Variants in MYH13 observed in about 807,000 individuals in gnomAD.
MYH13 encodes the protein myosin heavy chain 13.
MYH13 carries 177 observed loss-of-function variants against 232.1 expected under a neutral mutation model. That is an observed-to-expected ratio of 0.76 (90% CI 0.67 to 0.86). The LOEUF (loss-of-function observed/expected upper bound fraction) is 0.86, where lower values mean the gene tolerates loss of function less well. Among genes scored for constraint, MYH13 ranks in the 40% least tolerant of loss-of-function variants. MYH13 has a pLI of 0.00. For synonymous variants in MYH13, 884 were observed against 923.5 expected, an observed-to-expected ratio of 0.96 and a Z score of 0.78; for missense variants, 2,246 against 2,405.9, an observed-to-expected ratio of 0.93 and a Z score of 1.39.
At position 10,320,084 on chromosome 17, in the gene MYH13, G is replaced by A. The variant is rs1906876543; in HGVS notation, c.3348+69C>T. The A allele has an allele frequency of 2.6e-6, 3 of 1,163,166 alleles. No homozygotes were observed. In the Admixed American group the frequency reaches 6.5e-5, roughly 25 times the overall value. The allele number at this position is 1,163,166 out of a possible 1,614,324, so 72.1% of individuals were successfully genotyped here. A position where few individuals can be genotyped will look rare whatever the true frequency, so the allele number is the denominator to read the frequency against. ...GGAAAGAAGCAGCTAAAGAAACAAG[G>A]GGGAAGGAGTGAGGAGGGGCGCTCT... is the stretch of plus-strand genomic sequence containing the variant. On this transcript the variant is annotated intron_variant, in intron 26 of 40. Coordinates refer to ENST00000252172, the MANE Select transcript of MYH13 (RefSeq NM_003802.3).
chr17:10,328,500 C>A (rs1190533510), intron 21 of MYH13, among the ~76,000 whole-genome samples: 2 of 152,136 alleles, frequency 1.3e-5, no homozygotes, highest in African/African-American at 4.8e-5. Context: ...TTAATCAGCT[C>A]TTAACTTTTG....
chr17:10,359,859 C>G, intron 7 of MYH13, 101 bp downstream of exon 7: 1 of 1,033,774 alleles, frequency 9.7e-7, no homozygotes, highest in Non-Finnish European at 1.5e-6. Flanking sequence ...TTCCTATTTG[C>G]CGTTTCTACT....
Position 10,311,949 on chromosome 17 carries a change from T to C in MYH13, c.4493A>G (p.Gln1498Arg). 1 of 1,614,026 alleles carries C rather than the reference T, an allele frequency of 6.2e-7. No homozygotes were observed. Among genetic ancestry groups the C allele is most frequent in the Non-Finnish European group, 8.5e-7 (1 of 1,179,902 alleles). The change falls in exon 32 of 41, where the codon CAG becomes CGG. Residue 1498 changes from glutamine to arginine, a missense_variant. By Grantham distance (43) the Gln-to-Arg change is conservative. Transcript: ENST00000252172. ...MRNAYEEVVD[Q>R]LETLRRENKN... ...GTTCTCTCGCCTCAGTGTCTCTAACTGGTCCACCACCTCCTCATAGGCATT... is the reference window on the plus strand; with the variant it reads ...GTTCTCTCGCCTCAGTGTCTCTAACCGGTCCACCACCTCCTCATAGGCATT...
In MYH13 at chr17:10,315,739, G is replaced by C; in HGVS notation, c.3938C>G (p.Thr1313Ser). ...CCTCTTAAGCTCCTCCAGCTGCTGG[G>C]TGAGGGCCTGCTTGCTTTTGGTCAG... ...SQLTKSKQAL[T>S]QQLEELKRQM... Residue 1313 changes from threonine to serine, a missense_variant, in exon 29 of 41, where the codon ACC becomes AGC. Physicochemically the swap from Thr to Ser is moderately conservative, Grantham distance 58 (BLOSUM62 1). Coordinates refer to ENST00000252172, the MANE Select transcript of MYH13 (RefSeq NM_003802.3). 6.2e-7 allele frequency: 1 copy of C among 1,613,846 alleles called. No homozygotes were observed. The highest frequency in any genetic ancestry group is 1.1e-5 in the South Asian group (1 of 91,048).
At chr17:10,369,042 C>G (rs560663119) in intron 2 of MYH13, among the ~76,000 whole-genome samples, 5 of 152,284 alleles carry the variant, frequency 3.3e-5, no homozygotes, top group African/African-American at 9.6e-5. Context: ...GGCACAGTCT[C>G]ATTGCTTGTA....
At chr17:10,320,604 G>C (rs1158963134) in intron 24 of MYH13, 108 bp from the exon 25 acceptor site, 3 of 1,242,044 alleles carry the variant, frequency 2.4e-6, no homozygotes, top group Non-Finnish European at 3.3e-6. Flanking sequence ...GCTCCTGTAG[G>C]GTGCTGGCTG....
intron 27 of MYH13, among the ~76,000 whole-genome samples, chr17:10,317,070 C>A (rs11869661): frequency 0.7 from 106,033 of 151,948 alleles, 37,064 homozygotes; most frequent in East Asian, 0.73. Flanking sequence ...AGAGACATGA[C>A]GTGCTGCTTC....
rs1555550859 is a variant in MYH13, at chr17:10,338,702, T to TTTTTG, written c.2056+1447_2056+1448insCAAAA. On this transcript the variant is annotated intron_variant, in intron 18 of 40. Coordinates refer to ENST00000252172, the MANE Select transcript of MYH13 (RefSeq NM_003802.3). ...ACTTTTATCCTTGTTTTTTTTTTTT[T>TTTTTG]TTTGTTTGTTTTTTTTGAGACGGAG... Among the ~76,000 whole-genome samples the TTTTTG allele has an allele frequency of 2.8e-4, 40 of 142,448 alleles. 1 individual carries two copies. Among genetic ancestry groups the TTTTTG allele is most frequent in the East Asian group, 8.5e-4 (4 of 4,706 alleles). 93.5% of individuals were successfully genotyped at this position (142,448 alleles called of 152,430 possible).
intron 35 of MYH13, among the ~76,000 whole-genome samples, chr17:10,307,885 A>G (rs994526469): frequency 2.0e-5 from 3 of 152,228 alleles, no homozygotes; most frequent in Admixed American, 2.0e-4. Context: ...GTTATGAGGA[A>G]GTTCATCAAA....
intron 22 of MYH13, among the ~76,000 whole-genome samples, chr17:10,325,656 C>T (rs1907172397): frequency 6.6e-6 from 1 of 152,146 alleles, no homozygotes; most frequent in Non-Finnish European, 1.5e-5. Flanking sequence ...GCTATATCTT[C>T]CCATATAAGA....
chr17:10,357,884 CCT>C (rs2071761115), intron 7 of MYH13, 57 bp from the exon 8 acceptor site: 7 of 1,478,476 alleles, frequency 4.7e-6, no homozygotes, highest in Non-Finnish European at 6.6e-6. Flanking sequence ...TAAAGTAGCC[CCT>C]TGATGACTAA....
chr17:10,321,014 G>A (rs1458563610), intron 24 of MYH13, among the ~76,000 whole-genome samples: 1 of 152,198 alleles, frequency 6.6e-6, no homozygotes, highest in African/African-American at 2.4e-5. Flanking sequence ...AAACATTAAA[G>A]TTATCTAGAA....
intron 12 of MYH13, among the ~76,000 whole-genome samples, chr17:10,349,602 C>G (rs370653862): frequency 1.3e-5 from 2 of 152,078 alleles, no homozygotes; most frequent in Admixed American, 1.3e-4. Flanking sequence ...GGTGTGCCCC[C>G]TGGTGTACAT....
chr17:10,317,863 T>C (rs1227177077), intron 27 of MYH13: 1 of 152,232 alleles, frequency 6.6e-6, no homozygotes, highest in Non-Finnish European at 1.5e-5. Context: ...ACTTGAGTCT[T>C]CAAGGTAACC....
At chr17:10,340,501 T>C in intron 16 of MYH13, 100 bp from the exon 17 acceptor site, 6 of 875,912 alleles carry the variant, frequency 6.8e-6, no homozygotes, top group Non-Finnish European at 1.1e-5. Context: ...TGGTTTCCTT[T>C]TGACATAAGA....
rs74899817 is a variant in MYH13, at chr17:10,339,891, G to A, written c.2056+259C>T. Among the ~76,000 whole-genome samples the A allele has an allele frequency of 5.8e-3, 885 of 152,290 alleles. 11 individuals are homozygous for A. The highest frequency in any genetic ancestry group is 0.02 in the African/African-American group (841 of 41,544). On this transcript the variant is annotated intron_variant, in intron 18 of 40. Coordinates refer to ENST00000252172, the MANE Select transcript of MYH13 (RefSeq NM_003802.3). ...TTGAACATATTTATGGGGTACACAT[G>A]ATATTTTGATACAAGCGTGAAATGT...
intron 5 of MYH13, 49 bp downstream of exon 5, chr17:10,362,069 A>T: frequency 1.9e-6 from 3 of 1,612,488 alleles, no homozygotes; most frequent in Non-Finnish European, 2.5e-6. Flanking sequence ...AAGCTTGAAA[A>T]ATTAACTAAG....
At chr17:10,348,053 G>A (rs1417692847) in intron 12 of MYH13, among the ~76,000 whole-genome samples, 1 of 152,056 alleles carries the variant, frequency 6.6e-6, no homozygotes, top group Admixed American at 6.6e-5. Flanking sequence ...TTCATTGCTG[G>A]GTGGGGAGAT....
At chr17:10,302,972 GC>G (rs1267903068) in intron 39 of MYH13, among the ~76,000 whole-genome samples, 1 of 152,016 alleles carries the variant, frequency 6.6e-6, no homozygotes, top group African/African-American at 2.4e-5. Flanking sequence ...GATGGAGGGG[GC>G]TGGCCAAGTA....
Sources: gnomAD v4.1 joint callset for allele counts (sites outside exome capture counted in the v4.1 genomes callset) on GRCh38, gnomAD v4.1.1 for gene constraint, MANE v1.5 for transcripts, NCBI Gene and HGNC (gene_info 2026-07-23, HGNC 2026-07-21) for gene names.